Variants in PCDHA9 observed in about 807,000 individuals in gnomAD.
PCDHA9 encodes protocadherin alpha-9.
PCDHA9 carries 62 observed loss-of-function variants against 62.0 expected under a neutral mutation model. That is an observed-to-expected ratio of 1.00 (90% CI 0.81 to 1.23). The LOEUF (loss-of-function observed/expected upper bound fraction) is 1.23, where lower values mean the gene tolerates loss of function less well. PCDHA9 is among the 50% of genes most tolerant of loss of function. The pLI, the probability that PCDHA9 is intolerant of heterozygous loss-of-function variation, is 0.00. For missense variants in PCDHA9, 1,205 were observed against 1,249.8 expected (o/e 0.96, Z 0.54); for synonymous variants, 557 against 567.6 (o/e 0.98, Z 0.27).
chr5:140,888,583 G>C (rs2061886743), intron 1 of PCDHA9, among the ~76,000 whole-genome samples: 1 of 152,184 alleles, frequency 6.6e-6, no homozygotes, highest in African/African-American at 2.4e-5. Flanking sequence ...AGATTTGTTA[G>C]TACACATTCA....
intron 1 of PCDHA9, among the ~76,000 whole-genome samples, chr5:140,953,146 A>G (rs1554220822): frequency 6.6e-6 from 1 of 152,152 alleles, no homozygotes; most frequent in Non-Finnish European, 1.5e-5. Context: ...TTATATTTCT[A>G]TGAAGGGTGT....
Position 141,000,690 on chromosome 5 carries a change from A to G in PCDHA9, c.2543-8937A>G, listed in dbSNP as rs550187550. On this transcript the variant is annotated intron_variant, in intron 3 of 3. Transcript: ENST00000532602. The stretch of plus-strand genomic sequence containing the variant: ...TGATCCACCTGCCTCTGCCTCCCAA[A>G]GTGCTGGGATTACAGGCATGAGCCA... 4.2e-3 allele frequency among the ~76,000 whole-genome samples: 638 copies of G among 151,554 alleles called. 1 individual carries two copies. The highest frequency in any genetic ancestry group is 7.2e-3 in the Non-Finnish European group (489 of 67,874).
chr5:140,914,317 A>G (rs1016365389), intron 1 of PCDHA9, among the ~76,000 whole-genome samples: 15 of 152,122 alleles, frequency 9.9e-5, no homozygotes, highest in Non-Finnish European at 2.9e-5. Flanking sequence ...CCCCATTATC[A>G]TTGTACAAAG....
At chr5:140,967,976 C>G in intron 1 of PCDHA9, 14 of 1,614,222 alleles carry the variant, frequency 8.7e-6, no homozygotes, top group Non-Finnish European at 1.2e-5. Context: ...GAGCCTGGGT[C>G]TGGAGGCCAC....
intron 1 of PCDHA9, among the ~76,000 whole-genome samples, chr5:140,938,510 A>G (rs2092097687): frequency 6.6e-6 from 1 of 151,662 alleles, no homozygotes; most frequent in Non-Finnish European, 1.5e-5. Context: ...TTTATCACAT[A>G]TTTTCTGTTA....
At chr5:140,933,106 C>T (rs2088855819) in intron 1 of PCDHA9, among the ~76,000 whole-genome samples, 1 of 151,884 alleles carries the variant, frequency 6.6e-6, no homozygotes. Context: ...AAAGGTTGTT[C>T]TTAAGAAACA....
intron 1 of PCDHA9, chr5:140,865,634 A>G (rs2048944722): frequency 6.6e-6 from 1 of 152,218 alleles, no homozygotes; most frequent in Non-Finnish European, 1.5e-5. Context: ...TCATGAAGGG[A>G]CTTAAATACA....
intron 1 of PCDHA9, chr5:140,865,878 T>C (rs1436758278): frequency 1.3e-5 from 2 of 152,170 alleles, no homozygotes; most frequent in Non-Finnish European, 2.9e-5. Flanking sequence ...GCTAGGAAAA[T>C]CAAGCACAAA....
At chr5:140,902,102 G>A (rs1407664200) in intron 1 of PCDHA9, among the ~76,000 whole-genome samples, 1 of 151,098 alleles carries the variant, frequency 6.6e-6, no homozygotes, top group African/African-American at 2.4e-5. Context: ...GGAGTCTTTA[G>A]ATTTTTTTAA....
At chr5:140,883,763 G>T (rs782611304) in intron 1 of PCDHA9, 4 of 1,612,740 alleles carry the variant, frequency 2.5e-6, no homozygotes, top group Non-Finnish European at 3.4e-6. Flanking sequence ...GGAGCGGCGG[G>T]TGGGCGAGCG....
intron 1 of PCDHA9, among the ~76,000 whole-genome samples, chr5:140,916,285 G>A (rs530335868): frequency 1.2e-4 from 18 of 152,154 alleles, no homozygotes; most frequent in Non-Finnish European, 2.4e-4. Flanking sequence ...TCTACTCCAC[G>A]TGGCCAAACT....
chr5:140,850,208 G>A lies in PCDHA9; in HGVS notation c.1713G>A (p.Arg571=), dbSNP rs2150473240. The change falls in exon 1 of 4, where the codon AGG becomes AGA. Residue 571 remains arginine, a synonymous_variant. Transcript: ENST00000532602. ...NAPALLTPRM[R]GTDGAVSEMV... Reference sequence around the variant, plus strand: ...CGGCGCTGCTGACACCTCGGATGAGGGGCACTGACGGCGCAGTGAGCGAGA... The same window carrying A: ...CGGCGCTGCTGACACCTCGGATGAGAGGCACTGACGGCGCAGTGAGCGAGA... 6.3e-6 allele frequency: 10 copies of A among 1,593,574 alleles called. 2 individuals carry two copies. The highest frequency in any genetic ancestry group is 6.9e-6 in the Non-Finnish European group (8 of 1,167,640).
intron 1 of PCDHA9, among the ~76,000 whole-genome samples, chr5:140,890,446 T>A (rs1554184296): frequency 6.6e-6 from 1 of 152,228 alleles, no homozygotes; most frequent in Non-Finnish European, 1.5e-5. Context: ...CCTAGTGATA[T>A]CTTTAGGCAC....
At position 140,928,087 on chromosome 5, in the gene PCDHA9, A is replaced by T. The variant is rs1554205462; in HGVS notation, c.2395-50862A>T. On this transcript the variant is annotated intron_variant, in intron 1 of 3. Coordinates refer to ENST00000532602, the MANE Select transcript of PCDHA9 (RefSeq NM_031857.2). The stretch of plus-strand genomic sequence containing the variant: ...CTTTGACAACTACTACAGCCTGCTG[A>T]TTGATGGGCCCCTGGACCGGGAGCA... 3.1e-6 allele frequency: 5 copies of T among 1,614,022 alleles called. No individual in the cohort carries two copies. In the African/African-American group the frequency reaches 5.3e-5, roughly 17 times the overall value.
rs1554149409 is a variant in PCDHA9 at position 140,857,004 on chromosome 5, T to G, written c.2394+6115T>G. 3 of 1,595,634 alleles carry G rather than the reference T, an allele frequency of 1.9e-6. No individual in the cohort carries two copies. The South Asian group carries it at 3.3e-5, about 18-fold the overall frequency. ...GACAGTAACACTTATGAAATTCATG[T>G]AGATGTTACAGATAAGGGAAACCCA... On this transcript the variant is annotated intron_variant, in intron 1 of 3. Coordinates refer to ENST00000532602, the MANE Select transcript of PCDHA9 (RefSeq NM_031857.2).
intron 1 of PCDHA9, among the ~76,000 whole-genome samples, chr5:140,891,360 G>T (rs2063061562): frequency 6.6e-6 from 1 of 151,060 alleles, no homozygotes; most frequent in Admixed American, 6.6e-5. Context: ...CATCACCTGA[G>T]CAGTATACAT....
At chr5:140,870,659 T>C (rs2052268691) in intron 1 of PCDHA9, 2 of 1,612,520 alleles carry the variant, frequency 1.2e-6, no homozygotes, top group Non-Finnish European at 1.7e-6. Flanking sequence ...GTGTACGCGC[T>C]GCAGCCGTTG....
rs782328804 is a variant in PCDHA9, at chr5:140,882,548, G to A, written c.2394+31659G>A. The A allele has an allele frequency of 5.3e-5, 86 of 1,614,126 alleles. No homozygotes were observed. The highest frequency in any genetic ancestry group is 4.9e-4 in the East Asian group (22 of 44,902). ...TGTGAATTCTCGGATCGACCGCGAG[G>A]AGCTGTGTGGGCGGAGCGCGGAGTG... On this transcript the variant is annotated intron_variant, in intron 1 of 3. Transcript: ENST00000532602.
chr5:140,935,710 A>C (rs551291942), intron 1 of PCDHA9, among the ~76,000 whole-genome samples: 1 of 152,272 alleles, frequency 6.6e-6, no homozygotes, highest in South Asian at 2.1e-4. Context: ...TATAAAACAA[A>C]ATATATTTAG....
Sources: allele counts gnomAD v4.1 joint callset (sites outside exome capture counted in the v4.1 genomes callset), GRCh38; gene constraint gnomAD v4.1.1; transcripts MANE v1.5; gene names NCBI Gene and HGNC (gene_info 2026-07-23, HGNC 2026-07-21).